The following PCDH15 variants were observed in gnomAD, a reference collection of about 807,000 sequenced individuals.
The protein encoded by PCDH15 is protocadherin related 15.
A neutral mutation model predicts 178.5 loss-of-function variants in PCDH15; 129 were observed. The ratio of observed to expected loss-of-function variants is 0.72; its 90% confidence interval spans 0.63 to 0.84. The LOEUF (loss-of-function observed/expected upper bound fraction) is 0.84. PCDH15 is among the 40% of genes least tolerant of loss of function. The pLI is 0.00. For missense variants in PCDH15, 2,230 were observed against 2,099.9 expected (o/e 1.06, Z -1.21); for synonymous variants, 800 against 732.0 (o/e 1.09, Z -1.50).
intron 2 of PCDH15, among the ~76,000 whole-genome samples, chr10:54,959,782 A>G (rs1247392760): frequency 6.6e-6 from 1 of 152,150 alleles, no homozygotes; most frequent in Admixed American, 6.5e-5. Flanking sequence ...ATTATTCTGT[A>G]GGAAAAATTG....
At chr10:55,411,162 G>C (rs1838321809) in intron 2 of PCDH15, among the ~76,000 whole-genome samples, 3 of 152,056 alleles carry the variant, frequency 2.0e-5, no homozygotes, top group Non-Finnish European at 4.4e-5. Context: ...AGAAACACTA[G>C]TGGAATCTTT....
intron 1 of PCDH15, among the ~76,000 whole-genome samples, chr10:54,784,456 T>C (rs1950655947): frequency 6.6e-6 from 1 of 151,646 alleles, no homozygotes; most frequent in Non-Finnish European, 1.5e-5. Context: ...AGATTCAAAG[T>C]GCTGAAAGAA....
At chr10:54,750,180 T>C (rs991425294) in intron 1 of PCDH15, among the ~76,000 whole-genome samples, 34 of 152,042 alleles carry the variant, frequency 2.2e-4, no homozygotes, top group African/African-American at 8.0e-4. Context: ...GAAATCAATT[T>C]ATTATTCTCA....
chr10:55,442,028 G>C (rs1238172392), intron 2 of PCDH15, among the ~76,000 whole-genome samples: 1 of 152,092 alleles, frequency 6.6e-6, no homozygotes, highest in African/African-American at 2.4e-5. Flanking sequence ...AGCAACTAAA[G>C]GGCATGTGGC....
At chr10:54,876,534 A>C (rs1322201739) in intron 3 of PCDH15, among the ~76,000 whole-genome samples, 1 of 152,176 alleles carries the variant, frequency 6.6e-6, no homozygotes, top group African/African-American at 2.4e-5. Context: ...TTCATGATTT[A>C]TGGGAAGAGG....
At chr10:55,292,436 C>T (rs1177298419) in intron 1 of PCDH15, among the ~76,000 whole-genome samples, 2 of 152,074 alleles carry the variant, frequency 1.3e-5, no homozygotes, top group Non-Finnish European at 2.9e-5. Context: ...GGCTGGAGTG[C>T]AATGGCATGA....
chr10:55,548,801 G>A (rs1841944391), intron 2 of PCDH15, among the ~76,000 whole-genome samples: 1 of 152,082 alleles, frequency 6.6e-6, no homozygotes, highest in Admixed American at 6.6e-5. Flanking sequence ...GAACTGTGAA[G>A]TCTTTGAATA....
chr10:55,575,455 T>G (rs779355283), intron 2 of PCDH15, among the ~76,000 whole-genome samples: 4 of 152,168 alleles, frequency 2.6e-5, no homozygotes, highest in Admixed American at 6.6e-5. Flanking sequence ...GACAATAGAC[T>G]TGGTAGCCAA....
intron 3 of PCDH15, 148 bp downstream of exon 3, chr10:54,527,664 C>T: frequency 2.1e-6 from 1 of 465,562 alleles, no homozygotes; most frequent in Non-Finnish European, 3.8e-6. Context: ...CAGAGACTGG[C>T]ATAATTTAAA....
intron 2 of PCDH15, among the ~76,000 whole-genome samples, chr10:54,913,147 T>G (rs1224923711): frequency 6.6e-6 from 1 of 152,142 alleles, no homozygotes; most frequent in Non-Finnish European, 1.5e-5. Context: ...TTTACATAAG[T>G]AAAGAGGAGC....
At chr10:54,545,275 T>C (rs1245755914) in intron 2 of PCDH15, among the ~76,000 whole-genome samples, 1 of 152,204 alleles carries the variant, frequency 6.6e-6, no homozygotes, top group Non-Finnish European at 1.5e-5. Context: ...TTGTACTAAT[T>C]AACAGTTATG....
intron 20 of PCDH15, among the ~76,000 whole-genome samples, chr10:54,016,357 C>CA (rs912750279): frequency 5.9e-5 from 9 of 151,926 alleles, no homozygotes; most frequent in African/African-American, 2.2e-4. Flanking sequence ...CCATTTGACC[C>CA]AGCAATCCCA....
intron 2 of PCDH15, among the ~76,000 whole-genome samples, chr10:54,968,370 C>G (rs74559337): frequency 6.6e-6 from 1 of 152,042 alleles, no homozygotes; most frequent in East Asian, 1.9e-4. Context: ...CCTTTTATTA[C>G]AATCTATTTG....
rs1947318643 is a variant in PCDH15, at chr10:54,757,570, C to T, written c.-29+43355G>A. On this transcript the variant is annotated intron_variant, in intron 1 of 37. Coordinates refer to ENST00000644397, the MANE Select transcript of PCDH15 (RefSeq NM_001384140.1). ...TGCTGGGATTACAGGCGTGAGCCAC[C>T]GCGCCCGGCCAATTCTACCTTCTTA... is the stretch of plus-strand genomic sequence containing the variant. Among the ~76,000 whole-genome samples the T allele has an allele frequency of 6.2e-5, 2 of 32,258 alleles. 1 individual carries two copies. Among genetic ancestry groups the T allele is most frequent in the Non-Finnish European group, 1.5e-4 (2 of 13,486 alleles). 21.2% of individuals were successfully genotyped at this position (32,258 alleles called of 152,430 possible). A position where few individuals can be genotyped will look rare whatever the true frequency, so the allele number is the denominator to read the frequency against.
chr10:55,302,147 T>G (rs1188752784), intron 1 of PCDH15, among the ~76,000 whole-genome samples: 5 of 152,172 alleles, frequency 3.3e-5, no homozygotes, highest in Non-Finnish European at 7.4e-5. Context: ...TCAAATTTTT[T>G]GTAAGAATTA....
chr10:54,134,604 T>C (rs556456955), intron 14 of PCDH15, among the ~76,000 whole-genome samples: 1 of 151,428 alleles, frequency 6.6e-6, no homozygotes, highest in African/African-American at 2.4e-5. Context: ...ATACAAAAAA[T>C]TAGCTTGGCG....
chr10:54,640,280 G>A (rs1456456666), intron 2 of PCDH15, among the ~76,000 whole-genome samples: 2 of 151,430 alleles, frequency 1.3e-5, no homozygotes, highest in Non-Finnish European at 2.9e-5. Flanking sequence ...GAAATTTTCT[G>A]CCTTCCTGAT....
At chr10:54,712,570 G>A (rs1591213620) in intron 1 of PCDH15, among the ~76,000 whole-genome samples, 1 of 152,052 alleles carries the variant, frequency 6.6e-6, no homozygotes, top group African/African-American at 2.4e-5. Context: ...TGCAAATAAT[G>A]GAATTATAGG....
chr10:54,308,472 T>C (rs1247641663), intron 8 of PCDH15, among the ~76,000 whole-genome samples: 2 of 152,034 alleles, frequency 1.3e-5, no homozygotes, highest in East Asian at 3.9e-4. Flanking sequence ...TATACCTGTT[T>C]CTTATTATTT....
Sources: gnomAD v4.1 joint callset for allele counts (sites outside exome capture counted in the v4.1 genomes callset) on GRCh38, gnomAD v4.1.1 for gene constraint, MANE v1.5 for transcripts, NCBI Gene and HGNC (gene_info 2026-07-23, HGNC 2026-07-21) for gene names.